FAM107B: variants seen among roughly 807,000 people sequenced by gnomAD.
FAM107B encodes family with sequence similarity 107 member B.
FAM107B carries 21 observed loss-of-function variants against 31.5 expected under a neutral mutation model. The observed-to-expected ratio is 0.67, with a 90% CI of 0.47 to 0.96. The LOEUF is 0.96. FAM107B is among the 40% of genes least tolerant of loss of function. The pLI is 0.00. For missense variants in FAM107B, 452 were observed against 377.1 expected (o/e 1.20, Z -1.64); for synonymous variants, 157 against 141.5 (o/e 1.11, Z -0.78).
At chr10:14,675,000 TTTTAAGCCCCTTCTCTGCACTGA>T (rs1297719362) in intron 1 of FAM107B, among the ~76,000 whole-genome samples, 1 of 152,190 alleles carries the variant, frequency 6.6e-6, no homozygotes, top group Non-Finnish European at 1.5e-5. Context: ...CCACGTATGT[TTTTAAGCCCCTTCTCTGCACTGA>T]TTTAAGCCCC....
intron 2 of FAM107B, chr10:14,553,269 G>A: frequency 9.6e-7 from 1 of 1,046,580 alleles, no homozygotes; most frequent in South Asian, 1.6e-5. Context: ...CCTACATCAT[G>A]ATGAAAGCTG....
chr10:14,667,086 T>C (rs569074632), intron 2 of FAM107B, among the ~76,000 whole-genome samples: 114 of 152,346 alleles, frequency 7.5e-4, no homozygotes, highest in African/African-American at 2.6e-3. Flanking sequence ...AACTAATGTT[T>C]ATTTTATGAC....
rs1855530358 is a variant in FAM107B, at chr10:14,706,785, T to G, written c.412-39094A>C. Among the ~76,000 whole-genome samples the G allele has an allele frequency of 2.0e-5, 3 of 152,184 alleles. No individual in the cohort carries two copies. In the South Asian group the frequency reaches 6.2e-4, roughly 31 times the overall value. ...TTGCCAATAAAACTGTCCCTTCTAC[T>G]CTTCAGCCATCGTGGTGGTCTTTTG... On this transcript the variant is annotated intron_variant, in intron 1 of 4. Transcript: ENST00000181796.
At chr10:14,562,667 T>C (rs570192176) in intron 2 of FAM107B, among the ~76,000 whole-genome samples, 7 of 152,326 alleles carry the variant, frequency 4.6e-5, no homozygotes, top group East Asian at 3.9e-4. Flanking sequence ...ACATTATTAG[T>C]TGCAAACATC....
chr10:14,714,307 G>A (rs762030513), intron 1 of FAM107B, among the ~76,000 whole-genome samples: 1 of 152,062 alleles, frequency 6.6e-6, no homozygotes, highest in Non-Finnish European at 1.5e-5. Flanking sequence ...CCATGTCCCT[G>A]GACCCCTACA....
rs376128259 is a variant in FAM107B at position 14,535,684 on chromosome 10, T to A, written c.470-5169A>T. On this transcript the variant is annotated intron_variant, in intron 2 of 4. Coordinates refer to ENST00000181796, the MANE Select transcript of FAM107B (RefSeq NM_031453.4). The stretch of plus-strand genomic sequence containing the variant: ...TGGGGCAGGAAACAGACAGGCCTGA[T>A]GACAAGGGCCTCTCGTGCTGTTCTG... Among the ~76,000 whole-genome samples, 9 of 152,336 alleles carry A rather than the reference T, an allele frequency of 5.9e-5. No individual in the cohort carries two copies. In the East Asian group the frequency reaches 1.7e-3, roughly 29 times the overall value.
chr10:14,739,833 C>A (rs1856395403), intron 1 of FAM107B, among the ~76,000 whole-genome samples: 1 of 152,082 alleles, frequency 6.6e-6, no homozygotes, highest in African/African-American at 2.4e-5. Flanking sequence ...GGAGCTGGCC[C>A]AGGGGAAAGA....
At chr10:14,642,215 T>C (rs1853645773) in intron 2 of FAM107B, among the ~76,000 whole-genome samples, 1 of 152,232 alleles carries the variant, frequency 6.6e-6, no homozygotes, top group Non-Finnish European at 1.5e-5. Context: ...CAATGTCCCA[T>C]CTTCCAGGCT....
chr10:14,558,935 G>A (rs180710879), intron 2 of FAM107B, among the ~76,000 whole-genome samples: 1 of 152,168 alleles, frequency 6.6e-6, no homozygotes, highest in Admixed American at 6.5e-5. Context: ...TGAGTTGTGT[G>A]GGTCCAACAA....
At chr10:14,552,821 T>TA (rs545859593) in intron 2 of FAM107B, among the ~76,000 whole-genome samples, 3,131 of 147,450 alleles carry the variant, frequency 0.021, 105 homozygotes, top group African/African-American at 0.073. Context: ...AAGACTCCAT[T>TA]AAAAAAAAAA....
At chr10:14,530,577 C>G (rs1846869832) in intron 2 of FAM107B, 62 bp from the exon 3 acceptor site, 1 of 1,480,730 alleles carries the variant, frequency 6.8e-7, no homozygotes, top group Non-Finnish European at 9.3e-7. Context: ...CCCACACATG[C>G]AGAGGCCCAC....
At chr10:14,627,836 A>T (rs563447502) in intron 2 of FAM107B, among the ~76,000 whole-genome samples, 19 of 152,232 alleles carry the variant, frequency 1.2e-4, no homozygotes, top group African/African-American at 3.6e-4. Context: ...ATCCAACGAG[A>T]GAGTGGCACA....
chr10:14,706,954 G>T (rs1250682341), intron 1 of FAM107B, among the ~76,000 whole-genome samples: 2 of 151,966 alleles, frequency 1.3e-5, no homozygotes, highest in African/African-American at 4.8e-5. Flanking sequence ...GTGAAACCCC[G>T]TATCTACTAA....
At chr10:14,621,737 T>C (rs1368670894) in intron 2 of FAM107B, among the ~76,000 whole-genome samples, 3 of 152,250 alleles carry the variant, frequency 2.0e-5, no homozygotes, top group Admixed American at 2.0e-4. Context: ...AGGATTTGGC[T>C]TTTTTTGAGG....
intron 1 of FAM107B, among the ~76,000 whole-genome samples, chr10:14,729,451 C>T (rs1022507309): frequency 6.6e-6 from 1 of 152,024 alleles, no homozygotes; most frequent in South Asian, 2.1e-4. Flanking sequence ...AATGCTAATA[C>T]AAATTAGCCA....
intron 1 of FAM107B, among the ~76,000 whole-genome samples, chr10:14,773,651 A>ATT (rs34402424): frequency 0.01 from 1,527 of 151,976 alleles, 26 homozygotes; most frequent in African/African-American, 0.03. Context: ...CAGTGGCACC[A>ATT]TTTTTTTTAA....
chr10:14,683,296 G>A (rs1028613778), intron 1 of FAM107B, among the ~76,000 whole-genome samples: 2 of 152,172 alleles, frequency 1.3e-5, no homozygotes, highest in Admixed American at 6.5e-5. Context: ...GGAGAATTTT[G>A]AGGTTAAGGA....
chr10:14,578,544 T>G lies in FAM107B; in HGVS notation c.470-48029A>C, dbSNP rs145624009. The stretch of plus-strand genomic sequence containing the variant: ...ATCAGACTTGCCGAGAGAGGGGACC[T>G]TGCCAAATTGCTCACTTTCTGGTCC... On this transcript the variant is annotated intron_variant, in intron 2 of 4. Transcript: ENST00000181796. 1.4e-3 allele frequency among the ~76,000 whole-genome samples: 210 copies of G among 152,294 alleles called. 3 individuals carry two copies. Among genetic ancestry groups the G allele is most frequent in the African/African-American group, 4.8e-3 (201 of 41,556 alleles).
chr10:14,534,197 G>C (rs1001173953), intron 2 of FAM107B, among the ~76,000 whole-genome samples: 1 of 152,140 alleles, frequency 6.6e-6, no homozygotes, highest in Non-Finnish European at 1.5e-5. Flanking sequence ...CAGGTGGCAT[G>C]GTCCCTGCAG....
Sources: gnomAD v4.1 joint callset for allele counts (sites outside exome capture counted in the v4.1 genomes callset) on GRCh38, gnomAD v4.1.1 for gene constraint, MANE v1.5 for transcripts, NCBI Gene and HGNC (gene_info 2026-07-23, HGNC 2026-07-21) for gene names.